The following PLD5 variants were observed in gnomAD, a reference collection of about 807,000 sequenced individuals.
The protein encoded by PLD5 is inactive phospholipase D5.
Under a neutral mutation model 61.1 loss-of-function variants are expected in PLD5, and 36 were observed. That is an observed-to-expected ratio of 0.59 (90% CI 0.45 to 0.78). The LOEUF is 0.78. PLD5 is among the 30% of genes least tolerant of loss of function. PLD5 has a pLI of 0.00. For missense variants in PLD5, 515 were observed against 644.4 expected, an observed-to-expected ratio of 0.80 and a Z score of 2.17; for synonymous variants, 243 against 242.8, an observed-to-expected ratio of 1.00 and a Z score of -0.01.
At position 242,167,115 on chromosome 1, in the gene PLD5, T is replaced by TAATAATAAA. The variant is rs571998418; in HGVS notation, c.736-42451_736-42450insTTTATTATT. Among the ~76,000 whole-genome samples the TAATAATAAA allele has an allele frequency of 8.1e-3, 1,101 of 135,222 alleles. 7 individuals are homozygous for TAATAATAAA. Among genetic ancestry groups the TAATAATAAA allele is most frequent in the Middle Eastern group, 0.023 (6 of 264 alleles). The allele number at this position is 135,222 out of a possible 152,430, so 88.7% of individuals were successfully genotyped here. ...ATAATAATAATAATAATAATAATAA[T>TAATAATAAA]AAATAGTAGCCATGTTGGCTAGTTG... is the stretch of plus-strand genomic sequence containing the variant. On this transcript the variant is annotated intron_variant, in intron 5 of 9. Transcript: ENST00000536534.
chr1:242,377,369 C>A, intron 1 of PLD5: 1 of 1,547,562 alleles, frequency 6.5e-7, no homozygotes, highest in Non-Finnish European at 8.9e-7. Context: ...CTCAGGGAGA[C>A]CTGAACTCCA....
chr1:242,388,246 G>A (rs1350798552), intron 1 of PLD5, among the ~76,000 whole-genome samples: 1 of 152,192 alleles, frequency 6.6e-6, no homozygotes, highest in Non-Finnish European at 1.5e-5. Context: ...GCCTTTTGCA[G>A]GGAGTAGGAA....
At chr1:242,400,437 C>T (rs1164365246) in intron 1 of PLD5, among the ~76,000 whole-genome samples, 1 of 152,058 alleles carries the variant, frequency 6.6e-6, no homozygotes, top group African/African-American at 2.4e-5. Flanking sequence ...GAAAAGCAAA[C>T]TTTTCAAAAG....
chr1:242,165,584 ATAGGTGTGAT>A (rs1395985290), intron 5 of PLD5, among the ~76,000 whole-genome samples: 1 of 152,224 alleles, frequency 6.6e-6, no homozygotes, highest in African/African-American at 2.4e-5. Context: ...ATTCTGACTG[ATAGGTGTGAT>A]TAAGGAAAAG....
intron 5 of PLD5, among the ~76,000 whole-genome samples, chr1:242,148,064 T>C (rs1054073177): frequency 6.6e-6 from 1 of 152,136 alleles, no homozygotes; most frequent in African/African-American, 2.4e-5. Flanking sequence ...AGATCATGTT[T>C]TGAAAATTTT....
chr1:242,517,446 G>A (rs1384037999), intron 1 of PLD5, among the ~76,000 whole-genome samples: 2 of 152,018 alleles, frequency 1.3e-5, no homozygotes, highest in Non-Finnish European at 2.9e-5. Context: ...ATAATTGTAT[G>A]GTCTTACTCT....
intron 1 of PLD5, among the ~76,000 whole-genome samples, chr1:242,463,645 C>T (rs528385001): frequency 5.3e-5 from 8 of 152,130 alleles, no homozygotes; most frequent in Admixed American, 3.3e-4. Context: ...TAGGACCTGC[C>T]TTCCCATCTA....
At chr1:242,273,106 G>A (rs1180685402) in intron 3 of PLD5, among the ~76,000 whole-genome samples, 1 of 151,710 alleles carries the variant, frequency 6.6e-6, no homozygotes, top group South Asian at 2.1e-4. Context: ...GCCCTGGCAT[G>A]TGATGTTCCC....
chr1:242,342,903 A>C (rs1405365695), intron 2 of PLD5, among the ~76,000 whole-genome samples: 1 of 152,226 alleles, frequency 6.6e-6, no homozygotes, highest in African/African-American at 2.4e-5. Context: ...CTATCAGTAC[A>C]GTAATCTAGC....
chr1:242,255,965 A>G (rs1224708779), intron 4 of PLD5, among the ~76,000 whole-genome samples: 1 of 152,252 alleles, frequency 6.6e-6, no homozygotes, highest in Non-Finnish European at 1.5e-5. Flanking sequence ...CAATTGTTCA[A>G]TGCTTTGTGG....
At chr1:242,483,472 A>G (rs886808644) in intron 1 of PLD5, among the ~76,000 whole-genome samples, 6 of 152,230 alleles carry the variant, frequency 3.9e-5, no homozygotes, top group African/African-American at 1.4e-4. Flanking sequence ...AGGCCATTAC[A>G]TAGTGGTAAA....
At chr1:242,427,238 G>T (rs13375140) in intron 1 of PLD5, among the ~76,000 whole-genome samples, 24,498 of 152,090 alleles carry the variant, frequency 0.16, 2,246 homozygotes, top group African/African-American at 0.24. Context: ...TCATTCATTT[G>T]GGGGATCAAA....
intron 5 of PLD5, among the ~76,000 whole-genome samples, chr1:242,179,971 C>G (rs763077396): frequency 2.5e-4 from 38 of 151,900 alleles, no homozygotes; most frequent in Non-Finnish European, 4.3e-4. Context: ...GATGGTTAAC[C>G]TGTGAGCTAT....
intron 2 of PLD5, among the ~76,000 whole-genome samples, chr1:242,297,843 G>C (rs1300333204): frequency 5.3e-5 from 8 of 151,116 alleles, no homozygotes; most frequent in Non-Finnish European, 4.4e-5. Flanking sequence ...GTTTCACCTT[G>C]TTAGCCAGGA....
chr1:242,392,250 C>T (rs1455606582), intron 1 of PLD5, among the ~76,000 whole-genome samples: 2 of 152,008 alleles, frequency 1.3e-5, no homozygotes, highest in Non-Finnish European at 2.9e-5. Flanking sequence ...ATGCTGGTGA[C>T]TACTAGAAAG....
chr1:242,194,577 T>TCTAA (rs1462067883), intron 5 of PLD5, among the ~76,000 whole-genome samples: 277 of 67,920 alleles, frequency 4.1e-3, no homozygotes, highest in Middle Eastern at 0.027. Flanking sequence ...TATCTATCTA[T>TCTAA]CTATCTATCT....
chr1:242,493,956 G>A (rs1029167945), intron 1 of PLD5, among the ~76,000 whole-genome samples: 6 of 152,116 alleles, frequency 3.9e-5, no homozygotes, highest in South Asian at 2.1e-4. Flanking sequence ...CTAAAATATC[G>A]CTCTTGAGAG....
chr1:242,132,586 GT>G (rs1374098972), intron 5 of PLD5, among the ~76,000 whole-genome samples: 2 of 152,142 alleles, frequency 1.3e-5, no homozygotes, highest in African/African-American at 4.8e-5. Context: ...GGAGCTCTAA[GT>G]TGATTTTGTT....
intron 2 of PLD5, among the ~76,000 whole-genome samples, chr1:242,333,524 T>C (rs549922155): frequency 2.0e-5 from 3 of 151,990 alleles, no homozygotes; most frequent in Non-Finnish European, 2.9e-5. Context: ...AGGGCAGGAG[T>C]GTACCAGGGA....
Sources: allele counts gnomAD v4.1 joint callset (sites outside exome capture counted in the v4.1 genomes callset), GRCh38; gene constraint gnomAD v4.1.1; transcripts MANE v1.5; gene names NCBI Gene and HGNC (gene_info 2026-07-23, HGNC 2026-07-21).